Variants in PRPF6 observed in about 807,000 individuals in gnomAD.
PRPF6 encodes pre-mRNA processing factor 6.
PRPF6 carries 42 observed loss-of-function variants against 118.3 expected under a neutral mutation model. That is an observed-to-expected ratio of 0.35 (90% CI 0.28 to 0.46). The LOEUF (loss-of-function observed/expected upper bound fraction) is 0.46. Ranked by LOEUF, PRPF6 falls within the 20% of genes least tolerant of loss-of-function variation. The probability of loss-of-function intolerance (pLI) is 1.00; values close to 1 mark genes in which losing one functional copy is unlikely to be tolerated. For synonymous variants in PRPF6, 481 were observed against 485.1 expected, an observed-to-expected ratio of 0.99 and a Z score of 0.11; for missense variants, 662 against 1,255.7, an observed-to-expected ratio of 0.53 and a Z score of 7.15.
chr20:64,001,729 G>A (rs962367027), intron 9 of PRPF6, among the ~76,000 whole-genome samples: 3 of 152,238 alleles, frequency 2.0e-5, no homozygotes, highest in Admixed American at 2.0e-4. Flanking sequence ...CTGCTCCCGC[G>A]ATGCAGCGTG....
intron 1 of PRPF6, among the ~76,000 whole-genome samples, chr20:63,982,307 G>C (rs2059073099): frequency 6.6e-6 from 1 of 152,164 alleles, no homozygotes; most frequent in African/African-American, 2.4e-5. Context: ...GAGTAGCTGG[G>C]ATTATAGGTG....
intron 14 of PRPF6, 87 bp downstream of exon 14, chr20:64,024,780 A>T: frequency 1.3e-6 from 2 of 1,515,610 alleles, no homozygotes; most frequent in South Asian, 1.2e-5. Flanking sequence ...TCTCCCACAT[A>T]CAATGTGGCA....
rs78720322 is a variant in PRPF6 at position 64,028,025 on chromosome 20, C to T, written c.2339+289C>T. On this transcript the variant is annotated intron_variant, in intron 17 of 20. Transcript: ENST00000266079. The surrounding 1 kb of genome is among the most constrained non-coding windows in gnomAD (Gnocchi z 6.5). ...GGCTGGGACGAGGGAAGGATGGACC[C>T]CGGAGAGCCAGCTCCACAGAGGAGG... is the stretch of plus-strand genomic sequence containing the variant. 6.6e-6 allele frequency among the ~76,000 whole-genome samples: 1 copy of T among 152,220 alleles called. No individual in the cohort carries two copies. The highest frequency in any genetic ancestry group is 1.9e-4 in the East Asian group (1 of 5,186).
At chr20:63,981,643 T>TCCCCCCCCCCCC (rs11295538) in intron 1 of PRPF6, among the ~76,000 whole-genome samples, 8 of 124,388 alleles carry the variant, frequency 6.4e-5, no homozygotes, top group South Asian at 5.4e-4. Flanking sequence ...GGGCTGACAC[T>TCCCCCCCCCCCC]CCCCCCCCCC....
chr20:63,999,518 A>G (rs1026481315), intron 7 of PRPF6, 85 bp from the exon 8 acceptor site: 2 of 1,535,944 alleles, frequency 1.3e-6, no homozygotes, highest in Non-Finnish European at 1.8e-6. Flanking sequence ...TTACATTGTG[A>G]CTGTGAAGTG....
At chr20:63,993,534 C>G (rs755333188) in intron 4 of PRPF6, 49 bp downstream of exon 4, 2 of 1,478,950 alleles carry the variant, frequency 1.4e-6, no homozygotes, top group South Asian at 1.1e-5. Context: ...CGCTCTCACC[C>G]TAACCCGCAG....
intron 3 of PRPF6, 100 bp downstream of exon 3, chr20:63,985,125 A>G (rs960518313): frequency 1.1e-6 from 1 of 906,424 alleles, no homozygotes; most frequent in African/African-American, 1.6e-5. Flanking sequence ...GCACTTTGAG[A>G]GGCTGAGGTA....
At chr20:64,030,696 C>T (rs2059310588) in intron 19 of PRPF6, among the ~76,000 whole-genome samples, 1 of 152,232 alleles carries the variant, frequency 6.6e-6, no homozygotes, top group African/African-American at 2.4e-5. Flanking sequence ...ATAAGTCACT[C>T]CTTGCTATTC....
At chr20:63,981,600 G>A (rs1168591472) in intron 1 of PRPF6, among the ~76,000 whole-genome samples, 1 of 151,996 alleles carries the variant, frequency 6.6e-6, no homozygotes, top group African/African-American at 2.4e-5. Flanking sequence ...AATCTGACGT[G>A]TAGTGGAAAC....
At chr20:63,984,812 T>C in intron 2 of PRPF6, 95 bp from the exon 3 acceptor site, 2 of 914,962 alleles carry the variant, frequency 2.2e-6, no homozygotes, top group Non-Finnish European at 1.7e-6. Flanking sequence ...AAGAAAATAA[T>C]TTAGCAAGTA....
At position 64,001,222 on chromosome 20, in the gene PRPF6, A is replaced by T; in HGVS notation, c.1169A>T (p.Lys390Met). The change falls in exon 9 of 21, where the codon AAG (lysine) becomes ATG (methionine). Residue 390 changes from lysine to methionine, a missense_variant. By Grantham distance (95) the Lys-to-Met change is moderately conservative (BLOSUM62 -1). Transcript: ENST00000266079. The part of the protein sequence containing the change: ...AELETDIRAK[K>M]RVLRKALEHV... ...CTGGAAACGGACATTCGTGCAAAGA[A>T]GCGGGTTCTTCGGAAAGGTGAGCCT... is the stretch of plus-strand genomic sequence containing the variant. 1 of 1,614,242 alleles carries T rather than the reference A, an allele frequency of 6.2e-7. No homozygotes were observed. The highest frequency in any genetic ancestry group is 2.2e-5 in the East Asian group (1 of 44,886).
rs1198451733 is a variant in PRPF6 at position 64,026,014 on chromosome 20, C to T, written c.1984C>T (p.Arg662Trp). The stretch of plus-strand genomic sequence containing the variant: ...CGAGAATGATGAGTACGAGCGGGCC[C>T]GGAGGCTGCTGGCCAAGGCGCGGAG... ...ESENDEYERARRLLAKARSSA... is the reference protein window; with the variant it reads ...ESENDEYERAWRLLAKARSSA... The change falls in exon 15 of 21, where the codon CGG (arginine) becomes TGG (tryptophan). Residue 662 changes from arginine (R) to tryptophan (W), a missense_variant. Arg to Trp is a moderately radical substitution (Grantham distance 101). Coordinates refer to ENST00000266079, the MANE Select transcript of PRPF6 (RefSeq NM_012469.4). The surrounding 1 kb of genome is among the most constrained non-coding windows in gnomAD (Gnocchi z 4.4). 3.1e-6 allele frequency: 5 copies of T among 1,611,372 alleles called. No homozygotes were observed. The highest frequency in any genetic ancestry group is 1.3e-5 in the African/African-American group (1 of 74,946).
At chr20:64,008,851 A>C (rs570322448) in intron 9 of PRPF6, among the ~76,000 whole-genome samples, 1 of 152,292 alleles carries the variant, frequency 6.6e-6, no homozygotes. Flanking sequence ...CATGGGTTTG[A>C]ATACATTGCA....
chr20:64,007,905 T>G (rs1331824744), intron 9 of PRPF6, among the ~76,000 whole-genome samples: 1 of 152,168 alleles, frequency 6.6e-6, no homozygotes, highest in Admixed American at 6.5e-5. Context: ...GCCTCCCCAG[T>G]AGCTGGGATT....
intron 3 of PRPF6, among the ~76,000 whole-genome samples, chr20:63,991,534 A>G (rs1193122900): frequency 6.6e-6 from 1 of 152,076 alleles, no homozygotes; most frequent in Admixed American, 6.6e-5. Context: ...GCTCACACCT[A>G]TAATCCCAGC....
intron 3 of PRPF6, among the ~76,000 whole-genome samples, chr20:63,989,946 C>T (rs974467498): frequency 3.3e-5 from 5 of 151,774 alleles, no homozygotes; most frequent in Admixed American, 6.6e-5. Flanking sequence ...TTGAGTCTCC[C>T]AGGCTCAAGT....
chr20:63,995,522 G>A, intron 6 of PRPF6, 40 bp downstream of exon 6: 1 of 1,612,900 alleles, frequency 6.2e-7, no homozygotes, highest in South Asian at 1.1e-5. Context: ...GACAGGTTTA[G>A]ACAGTTTAAT....
At chr20:63,998,551 A>G (rs1466576780) in intron 6 of PRPF6, among the ~76,000 whole-genome samples, 1 of 150,718 alleles carries the variant, frequency 6.6e-6, no homozygotes, top group Non-Finnish European at 1.5e-5. Context: ...AAATAAAAAT[A>G]TAGATCTTGG....
chr20:64,027,383 C>T lies in PRPF6; in HGVS notation c.2206-220C>T, dbSNP rs1298739804. On this transcript the variant is annotated intron_variant, in intron 16 of 20. Transcript: ENST00000266079. The surrounding 1 kb of genome is among the most constrained non-coding windows in gnomAD (Gnocchi z 6.5). ...CTGCTCAGAAGTGCAGAGTGTGGCA[C>T]ACCTGCAGTAAAGGCTGGTACGTAC... Among the ~76,000 whole-genome samples the T allele has an allele frequency of 6.6e-6, 1 of 152,180 alleles. No homozygotes were observed. The highest frequency in any genetic ancestry group is 2.4e-5 in the African/African-American group (1 of 41,438).
Sources: allele counts gnomAD v4.1 joint callset (sites outside exome capture counted in the v4.1 genomes callset), GRCh38; gene constraint gnomAD v4.1.1; non-coding constraint Gnocchi (gnomAD v3.1); transcripts MANE v1.5; gene names NCBI Gene and HGNC (gene_info 2026-07-23, HGNC 2026-07-21).